Variants in VAV2 observed in about 807,000 individuals in gnomAD.
VAV2 encodes guanine nucleotide exchange factor VAV2.
A neutral mutation model predicts 132.5 loss-of-function variants in VAV2; 67 were observed. That is an observed-to-expected ratio of 0.51 (90% CI 0.42 to 0.62). The LOEUF is 0.62. Among genes scored for constraint, VAV2 ranks in the 20% least tolerant of loss-of-function variants. The pLI, the probability that VAV2 is intolerant of heterozygous loss-of-function variation, is 0.00. For missense variants in VAV2, 938 were observed against 1,153.6 expected, an observed-to-expected ratio of 0.81 and a Z score of 2.71; for synonymous variants, 492 against 443.5, an observed-to-expected ratio of 1.11 and a Z score of -1.37.
chr9:133,838,395 T>TTGGC, intron 3 of VAV2, among the ~76,000 whole-genome samples: 1 of 142,220 alleles, frequency 7.0e-6, no homozygotes, highest in South Asian at 2.4e-4. Flanking sequence ...GGGTGGATGG[T>TTGGC]TGGCTGGCTG....
chr9:133,949,372 A>G (rs1214299022), intron 1 of VAV2, among the ~76,000 whole-genome samples: 1 of 152,102 alleles, frequency 6.6e-6, no homozygotes, highest in Non-Finnish European at 1.5e-5. Flanking sequence ...TGGTTCATTC[A>G]AGGTGGGCTG....
At chr9:133,976,965 T>G (rs1335193740) in intron 1 of VAV2, among the ~76,000 whole-genome samples, 1 of 152,190 alleles carries the variant, frequency 6.6e-6, no homozygotes, top group African/African-American at 2.4e-5. Context: ...CTAACCACAC[T>G]GCCCTGTGCC....
intron 2 of VAV2, among the ~76,000 whole-genome samples, chr9:133,937,531 T>TGTGTGAGCGC (rs1181009832): frequency 6.7e-5 from 7 of 104,124 alleles, no homozygotes; most frequent in Non-Finnish European, 1.2e-4. Context: ...TGTGAGAGTG[T>TGTGTGAGCGC]GTGTGAGAGT....
chr9:133,947,409 C>T (rs1165542567), intron 1 of VAV2, among the ~76,000 whole-genome samples: 1 of 152,156 alleles, frequency 6.6e-6, no homozygotes, highest in African/African-American at 2.4e-5. Context: ...TGCTTTAAAA[C>T]TGGTCTGTCG....
intron 2 of VAV2, among the ~76,000 whole-genome samples, chr9:133,896,432 C>T (rs1839207675): frequency 6.6e-6 from 1 of 152,174 alleles, no homozygotes; most frequent in Admixed American, 6.5e-5. Context: ...CCAGCCTGGG[C>T]AACAGAGTGA....
At position 133,777,426 on chromosome 9, in the gene VAV2, G is replaced by A. The variant is rs757658966; in HGVS notation, c.1928C>T (p.Pro643Leu). ...LVQTRKSGYF[P>L]SSSVKPCPVD... ...AGGGCAGGGCTTCACAGATGAGCTG[G>A]GGAAATACCCTGACTTCCTGGTTTG... The change falls in exon 23 of 30, where the codon CCC becomes CTC. Residue 643 changes from proline (P) to leucine (L), a missense_variant. Coordinates refer to ENST00000371850, the MANE Select transcript of VAV2 (RefSeq NM_001134398.2). The A allele has an allele frequency of 6.2e-7, 1 of 1,613,794 alleles. No homozygotes were observed.
At chr9:133,780,024 G>C (rs773292425) in intron 20 of VAV2, 85 bp from the exon 21 acceptor site, 1 of 1,566,818 alleles carries the variant, frequency 6.4e-7, no homozygotes, top group Non-Finnish European at 8.7e-7. Flanking sequence ...CGCCCTCCCT[G>C]TCCCCACTAG....
chr9:133,781,377 C>T (rs918332010), intron 19 of VAV2, among the ~76,000 whole-genome samples: 6 of 152,250 alleles, frequency 3.9e-5, no homozygotes, highest in African/African-American at 1.2e-4. Flanking sequence ...TCACACACAT[C>T]GCTGACGTGA....
At chr9:133,835,769 G>A (rs1031822763) in intron 3 of VAV2, among the ~76,000 whole-genome samples, 2 of 152,212 alleles carry the variant, frequency 1.3e-5, no homozygotes, top group African/African-American at 2.4e-5. Flanking sequence ...GCTCCTGCGG[G>A]AGGGCAGGGG....
intron 3 of VAV2, among the ~76,000 whole-genome samples, chr9:133,841,638 C>T (rs1836728058): frequency 6.6e-6 from 1 of 152,184 alleles, no homozygotes; most frequent in African/African-American, 2.4e-5. Context: ...AGCCACAGAA[C>T]AGACCCCAGC....
At chr9:133,787,288 G>A in intron 15 of VAV2, 28 bp from the exon 16 acceptor site, 1 of 1,572,800 alleles carries the variant, frequency 6.4e-7, no homozygotes, top group Non-Finnish European at 8.6e-7. Flanking sequence ...GAGAGGAAGG[G>A]GAAGACGGTC....
chr9:133,891,919 G>A (rs1425853264), intron 2 of VAV2, among the ~76,000 whole-genome samples: 1 of 136,614 alleles, frequency 7.3e-6, no homozygotes, highest in East Asian at 2.2e-4. Context: ...CGTGGAGTGA[G>A]AATGGAGGAG....
In VAV2 at chr9:133,992,084, C is replaced by G. The variant is rs146348137; in HGVS notation, c.195G>C (p.Gln65His). 3 of 1,576,460 alleles carry G rather than the reference C, an allele frequency of 1.9e-6. No homozygotes were observed. The highest frequency in any genetic ancestry group is 1.8e-5 in the Admixed American group (1 of 56,694). The change falls in exon 1 of 30, where the codon CAG (glutamine) becomes CAC (histidine). Residue 65 changes from glutamine to histidine, a missense_variant. Gln to His is a conservative substitution (Grantham distance 24, BLOSUM62 0). Transcript: ENST00000371850. The surrounding 1 kb of genome is among the most constrained non-coding windows in gnomAD (Gnocchi z 5.5). The stretch of plus-strand genomic sequence containing the variant: ...CCCGCCGGGCGCTCACCTGGGACAT[C>G]TGCGGCCGGAAGTTGATGTCCTTGA... ...IDLKDINFRP[Q>H]MSQFLCLKNI...
rs759568133 is a variant in VAV2 at position 133,969,984 on chromosome 9, G to A, written c.204+22091C>T. On this transcript the variant is annotated intron_variant, in intron 1 of 29. Transcript: ENST00000371850. The surrounding 1 kb of genome is among the most constrained non-coding windows in gnomAD (Gnocchi z 5.1). ...CTGCCTCCCTGCAGCCTTCAAGGCA[G>A]TGACTCAGAGTTCCTGCCACCCCCC... Among the ~76,000 whole-genome samples, 51 of 152,074 alleles carry A rather than the reference G, an allele frequency of 3.4e-4. No homozygotes were observed. The highest frequency in any genetic ancestry group is 6.3e-4 in the Non-Finnish European group (43 of 67,988).
In VAV2 at chr9:133,912,229, GT is replaced by G. The variant is rs1839909945; in HGVS notation, c.321+26873del. Among the ~76,000 whole-genome samples, 1 of 152,178 alleles carries G rather than the reference GT, an allele frequency of 6.6e-6. No homozygotes were observed. On this transcript the variant is annotated intron_variant, in intron 2 of 29. Transcript: ENST00000371850. This position sits in a 1 kb window ranked among gnomAD's most constrained non-coding sequence, Gnocchi z 4.3. The stretch of plus-strand genomic sequence containing the variant: ...GGGAGAAGGGCTGACAACCAGGAGT[GT>G]TTTAGTACAAAACAGACAAACCAGA...
intron 1 of VAV2, among the ~76,000 whole-genome samples, chr9:133,974,718 C>A (rs679106): frequency 0.14 from 21,611 of 152,154 alleles, 1,591 homozygotes; most frequent in Middle Eastern, 0.17. Context: ...AAAATCCACA[C>A]ACTCCCTGCG....
chr9:133,795,884 G>T (rs999387315), intron 11 of VAV2, 148 bp from the exon 12 acceptor site: 108 of 737,958 alleles, frequency 1.5e-4, no homozygotes, highest in Non-Finnish European at 2.2e-4. Context: ...TTGGCTGCCC[G>T]ACACCAAAGG....
At chr9:133,980,779 G>A (rs1842667514) in intron 1 of VAV2, among the ~76,000 whole-genome samples, 1 of 152,184 alleles carries the variant, frequency 6.6e-6, no homozygotes, top group African/African-American at 2.4e-5. Flanking sequence ...CCCAACTGCT[G>A]CTGGAACGCA....
chr9:133,777,953 C>T (rs1008059102), intron 22 of VAV2, among the ~76,000 whole-genome samples: 2 of 152,156 alleles, frequency 1.3e-5, no homozygotes, highest in African/African-American at 4.8e-5. Flanking sequence ...CCTTGCTGGG[C>T]TAAGTGCCCT....
Sources: gnomAD v4.1 joint callset for allele counts (sites outside exome capture counted in the v4.1 genomes callset) on GRCh38, gnomAD v4.1.1 for gene constraint, Gnocchi (gnomAD v3.1) non-coding constraint, MANE v1.5 for transcripts, NCBI Gene and HGNC (gene_info 2026-07-23, HGNC 2026-07-21) for gene names.